GGACT: variants seen among roughly 807,000 people sequenced by gnomAD.
GGACT encodes the protein gamma-glutamylamine cyclotransferase.
For missense variants in GGACT, 241 were observed against 233.2 expected (o/e 1.03, Z -0.22); for synonymous variants, 118 against 115.3 (o/e 1.02, Z -0.15).
In GGACT at chr13:100,545,305, C is replaced by G. The variant is rs897496043; in HGVS notation, c.-10-12704G>C. Among the ~76,000 whole-genome samples the G allele has an allele frequency of 2.0e-5, 3 of 152,244 alleles. No homozygotes were observed. The highest frequency in any genetic ancestry group is 6.5e-5 in the Admixed American group (1 of 15,288). On this transcript the variant is annotated intron_variant, in intron 2 of 2. Transcript: ENST00000683975. The surrounding 1 kb of genome is among the most constrained non-coding windows in gnomAD (Gnocchi z 4.4). ...CCGCTTCACTCCCAGCTTCTCCCCC[C>G]TTTTGCAGATGGGGAAGCTGGGGCA...
At chr13:100,544,204 C>G (rs1250376169) in intron 2 of GGACT, among the ~76,000 whole-genome samples, 3 of 152,284 alleles carry the variant, frequency 2.0e-5, no homozygotes, top group African/African-American at 7.2e-5. Context: ...GAGAAAACGC[C>G]GAGTGTCTGA....
chr13:100,569,036 T>C (rs1445852347), intron 2 of GGACT, among the ~76,000 whole-genome samples: 2 of 152,260 alleles, frequency 1.3e-5, no homozygotes, highest in South Asian at 2.1e-4. Context: ...TCCGCCCCTA[T>C]GGCTTTGCAG....
intron 2 of GGACT, among the ~76,000 whole-genome samples, chr13:100,572,201 G>A (rs1875105048): frequency 6.6e-6 from 1 of 152,184 alleles, no homozygotes; most frequent in Non-Finnish European, 1.5e-5. Context: ...GAATATTACA[G>A]AGCCTTGAAA....
intron 1 of GGACT, chr13:100,586,752 TG>T (rs1875589477): frequency 6.6e-6 from 1 of 152,282 alleles, no homozygotes; most frequent in Non-Finnish European, 1.5e-5. Flanking sequence ...TTACCAGGTC[TG>T]TTACCTCATG....
chr13:100,550,532 TGTTTGGGTTTACAA>T (rs2088653326), intron 2 of GGACT, among the ~76,000 whole-genome samples: 2 of 152,166 alleles, frequency 1.3e-5, no homozygotes, highest in South Asian at 4.2e-4. Flanking sequence ...AACACGCCAG[TGTTTGGGTTTACAA>T]CTCCTTGGCC....
At chr13:100,560,804 G>C (rs1566535205) in intron 2 of GGACT, among the ~76,000 whole-genome samples, 1 of 152,202 alleles carries the variant, frequency 6.6e-6, no homozygotes, top group South Asian at 2.1e-4. Flanking sequence ...TGTGTTCCTA[G>C]GACATGGTGT....
rs931413139 is a variant in GGACT at position 100,539,691 on chromosome 13, A to C, written c.-10-7090T>G. 5.1e-6 allele frequency: 3 copies of C among 586,738 alleles called. No homozygotes were observed. In the African/African-American group the frequency reaches 5.6e-5, roughly 11 times the overall value. The allele number at this position is 586,738 out of a possible 1,614,324, so 36.3% of individuals were successfully genotyped here. A position where few individuals can be genotyped will look rare whatever the true frequency, so the allele number is the denominator to read the frequency against. ...TTCTTGGAGTGTCTTTGGCCTTAGT[A>C]TCAGGGTGATGCTCAACACTGAAAT... is the stretch of plus-strand genomic sequence containing the variant. On this transcript the variant is annotated intron_variant, in intron 2 of 2. Coordinates refer to ENST00000683975, the MANE Select transcript of GGACT (RefSeq NM_001195087.2).
intron 2 of GGACT, among the ~76,000 whole-genome samples, chr13:100,553,022 G>A (rs984894683): frequency 1.1e-4 from 16 of 152,162 alleles, no homozygotes; most frequent in African/African-American, 3.9e-4. Flanking sequence ...CAGAGGGGAC[G>A]GTGGGCTGTT....
chr13:100,531,524 G>A lies in GGACT; in HGVS notation c.*606C>T, dbSNP rs924283232. The stretch of plus-strand genomic sequence containing the variant: ...CCAAATAAGTATACCAAAAAACGTG[G>A]GGGTCAAACACAGTACCAACACTTT... On this transcript the variant is annotated 3_prime_UTR_variant, in exon 3 of 3. Transcript: ENST00000683975. The A allele has an allele frequency of 1.3e-5, 2 of 152,150 alleles. No individual in the cohort carries two copies. Among genetic ancestry groups the A allele is most frequent in the African/African-American group, 4.8e-5 (2 of 41,418 alleles). 9.4% of individuals were successfully genotyped at this position (152,150 alleles called of 1,614,324 possible).
chr13:100,551,549 A>G (rs2088664758), intron 2 of GGACT, among the ~76,000 whole-genome samples: 2 of 152,150 alleles, frequency 1.3e-5, no homozygotes, highest in South Asian at 2.1e-4. Flanking sequence ...ACCACAAAAT[A>G]GCTAAGGGGT....
chr13:100,579,226 T>A (rs1443436229), intron 2 of GGACT, among the ~76,000 whole-genome samples: 2 of 152,150 alleles, frequency 1.3e-5, no homozygotes, highest in East Asian at 3.9e-4. Flanking sequence ...CAATTAATTA[T>A]GCAAGACAAA....
chr13:100,554,238 G>A (rs551201224), intron 2 of GGACT, among the ~76,000 whole-genome samples: 2 of 152,252 alleles, frequency 1.3e-5, no homozygotes, highest in South Asian at 2.1e-4. Flanking sequence ...GAAAGCCAAG[G>A]TACATTTCTC....
chr13:100,532,560 T>C lies in GGACT; in HGVS notation c.32A>G (p.Lys11Arg), dbSNP rs1423674551. 1 of 1,546,986 alleles carries C rather than the reference T, an allele frequency of 6.5e-7. No individual in the cohort carries two copies. The highest frequency in any genetic ancestry group is 2.0e-5 in the Admixed American group (1 of 50,824). MALVFVYGTLKRGQPNHRVLR... is the reference protein window; with the variant it reads MALVFVYGTLRRGQPNHRVLR... ...GACCCTGTGGTTGGGCTGACCCCGC[T>C]TCAGGGTGCCGTACACGAAGACTAG... is the stretch of plus-strand genomic sequence containing the variant. The change falls in exon 3 of 3, where the codon AAG becomes AGG. Residue 11 changes from lysine to arginine, a missense_variant. By Grantham distance (26) the Lys-to-Arg change is conservative (BLOSUM62 2). Coordinates refer to ENST00000683975, the MANE Select transcript of GGACT (RefSeq NM_001195087.2).
chr13:100,544,969 G>A (rs781250881), intron 2 of GGACT, among the ~76,000 whole-genome samples: 6 of 152,192 alleles, frequency 3.9e-5, no homozygotes, highest in Admixed American at 3.3e-4. Flanking sequence ...AGCAGGAGCG[G>A]AGGTGCTGCC....
intron 2 of GGACT, among the ~76,000 whole-genome samples, chr13:100,571,755 C>T (rs1314153160): frequency 1.3e-5 from 2 of 152,116 alleles, no homozygotes; most frequent in Non-Finnish European, 2.9e-5. Flanking sequence ...ATAATAATGC[C>T]CACCTCAAAC....
In GGACT at chr13:100,532,020, G is replaced by T; in HGVS notation, c.*110C>A. On this transcript the variant is annotated 3_prime_UTR_variant, in exon 3 of 3. Transcript: ENST00000683975. ...CCACTGAAAGATTGGTTCCTTTCCG[G>T]CAGATTCATTGGAAAGGGCCCTGTT... 1.5e-6 allele frequency: 1 copy of T among 678,636 alleles called. No individual in the cohort carries two copies. Among genetic ancestry groups the T allele is most frequent in the Non-Finnish European group, 2.2e-6 (1 of 452,916 alleles). 42.0% of individuals were successfully genotyped at this position (678,636 alleles called of 1,614,324 possible).
chr13:100,546,358 T>A (rs2088603923), intron 2 of GGACT, among the ~76,000 whole-genome samples: 1 of 116,624 alleles, frequency 8.6e-6, no homozygotes. Context: ...CAAGACTCTG[T>A]CTCAAAAAAA....
chr13:100,579,894 G>A (rs1428149436), intron 2 of GGACT, among the ~76,000 whole-genome samples: 1 of 152,158 alleles, frequency 6.6e-6, no homozygotes, highest in Non-Finnish European at 1.5e-5. Context: ...AGGGTAGAGA[G>A]GGATCACCCC....
At chr13:100,578,246 C>T (rs1875311377) in intron 2 of GGACT, among the ~76,000 whole-genome samples, 1 of 152,212 alleles carries the variant, frequency 6.6e-6, no homozygotes, top group Non-Finnish European at 1.5e-5. Context: ...CCTCCCTGGA[C>T]ACAAGTTTGT....
Sources: allele counts gnomAD v4.1 joint callset (sites outside exome capture counted in the v4.1 genomes callset), GRCh38; gene constraint gnomAD v4.1.1; non-coding constraint Gnocchi (gnomAD v3.1); transcripts MANE v1.5; gene names NCBI Gene and HGNC (gene_info 2026-07-23, HGNC 2026-07-21).